FRMPD2: variants seen among roughly 807,000 people sequenced by gnomAD.
FRMPD2 encodes the protein FERM and PDZ domain-containing protein 2.
A neutral mutation model predicts 140.1 loss-of-function variants in FRMPD2; 96 were observed. The observed-to-expected ratio is 0.69, with a 90% confidence interval of 0.58 to 0.81. The LOEUF is 0.81. Ranked by LOEUF, FRMPD2 falls within the 40% of genes least tolerant of loss-of-function variation. The pLI is 0.00. For synonymous variants in FRMPD2, 449 were observed against 547.6 expected (o/e 0.82, Z 2.52); for missense variants, 1,240 against 1,447.4 (o/e 0.86, Z 2.32).
chr10:48,211,246 C>T (rs1055960157), intron 13 of FRMPD2, among the ~76,000 whole-genome samples: 7 of 152,202 alleles, frequency 4.6e-5, no homozygotes, highest in East Asian at 3.9e-4. Context: ...TGTGCCCACA[C>T]GGGGAGACTG....
intron 7 of FRMPD2, 53 bp from the exon 8 acceptor site, chr10:48,238,176 T>C (rs1840016316): frequency 6.9e-6 from 11 of 1,584,896 alleles, no homozygotes; most frequent in Admixed American, 5.3e-5. Flanking sequence ...AGGGCTTCCA[T>C]GGCATGAAAG....
chr10:48,202,634 C>T (rs4838578), intron 14 of FRMPD2, among the ~76,000 whole-genome samples: 39,526 of 152,094 alleles, frequency 0.26, 5,760 homozygotes, highest in African/African-American at 0.4. Flanking sequence ...CTCCGCCAGT[C>T]GTAATAATTC....
chr10:48,238,170 C>T (rs759013736), intron 7 of FRMPD2, 47 bp from the exon 8 acceptor site: 1 of 1,587,858 alleles, frequency 6.3e-7, no homozygotes, highest in East Asian at 2.2e-5. Context: ...ATGGCAAGGG[C>T]TTCCATGGCA....
At chr10:48,164,074 C>A (rs1289237863) in intron 27 of FRMPD2, among the ~76,000 whole-genome samples, 1 of 150,648 alleles carries the variant, frequency 6.6e-6, no homozygotes, top group Non-Finnish European at 1.5e-5. Context: ...AGGTGATGTT[C>A]TTTCCTGGGT....
At chr10:48,263,432 A>AG (rs749659449) in intron 1 of FRMPD2, among the ~76,000 whole-genome samples, 4 of 152,080 alleles carry the variant, frequency 2.6e-5, no homozygotes, top group African/African-American at 4.8e-5. Flanking sequence ...TAACCAAGAG[A>AG]GAAAAAAAAA....
intron 16 of FRMPD2, 117 bp from the exon 17 acceptor site, chr10:48,187,409 G>A (rs1838715626): frequency 9.3e-6 from 7 of 752,744 alleles, no homozygotes; most frequent in Admixed American, 2.1e-5. Context: ...ATGATGGCCC[G>A]GGGAGGGCAG....
chr10:48,217,428 C>A (rs769753884), intron 12 of FRMPD2, among the ~76,000 whole-genome samples: 1 of 152,178 alleles, frequency 6.6e-6, no homozygotes, highest in East Asian at 1.9e-4. Context: ...GACACAGCAG[C>A]GCCTTCTGAA....
At chr10:48,180,308 C>T (rs569675759) in intron 21 of FRMPD2, among the ~76,000 whole-genome samples, 11 of 152,252 alleles carry the variant, frequency 7.2e-5, no homozygotes, top group South Asian at 6.2e-4. Flanking sequence ...TCCAAAGAGA[C>T]GGCAGAGGAC....
At chr10:48,221,209 AGTG>A (rs1314652250) in intron 12 of FRMPD2, among the ~76,000 whole-genome samples, 1 of 152,216 alleles carries the variant, frequency 6.6e-6, no homozygotes, top group Non-Finnish European at 1.5e-5. Context: ...TCAATCAATG[AGTG>A]GTATATGTAT....
At chr10:48,189,292 G>A (rs1422682600) in intron 16 of FRMPD2, among the ~76,000 whole-genome samples, 3 of 152,180 alleles carry the variant, frequency 2.0e-5, no homozygotes, top group African/African-American at 4.8e-5. Context: ...TGGAGCCAGC[G>A]ATGTGGAGGA....
intron 14 of FRMPD2, 72 bp downstream of exon 14, chr10:48,206,676 C>T (rs1839205757): frequency 4.6e-6 from 6 of 1,292,130 alleles, no homozygotes. Context: ...CCATGACCCA[C>T]TGCTCCTTTA....
chr10:48,214,098 C>T (rs1839391151), intron 12 of FRMPD2, among the ~76,000 whole-genome samples: 1 of 152,122 alleles, frequency 6.6e-6, no homozygotes, highest in African/African-American at 2.4e-5. Flanking sequence ...GTTTTACCTC[C>T]CACTGTCACT....
intron 1 of FRMPD2, among the ~76,000 whole-genome samples, chr10:48,266,864 G>A (rs1345834454): frequency 1.3e-5 from 2 of 152,196 alleles, no homozygotes; most frequent in Admixed American, 1.3e-4. Context: ...CCATGCAGTG[G>A]TAACAAGGCA....
At position 48,240,049 on chromosome 10, in the gene FRMPD2, T is replaced by C. The variant is rs112106779; in HGVS notation, c.700+311A>G. Among the ~76,000 whole-genome samples, 1,439 of 152,134 alleles carry C rather than the reference T, an allele frequency of 9.5e-3. 21 individuals carry two copies. The highest frequency in any genetic ancestry group is 0.033 in the African/African-American group (1,352 of 41,542). ...CTTTTAACACACCCAGAACAATAAC[T>C]GAAAAAAAAATCAAGTTTTTCTTTT... is the stretch of plus-strand genomic sequence containing the variant. On this transcript the variant is annotated intron_variant, in intron 6 of 28. Transcript: ENST00000374201.
intron 15 of FRMPD2, among the ~76,000 whole-genome samples, chr10:48,194,221 A>C (rs1003263370): frequency 6.6e-6 from 1 of 152,226 alleles, no homozygotes; most frequent in African/African-American, 2.4e-5. Flanking sequence ...AGATATTATT[A>C]TACCCAATTT....
At chr10:48,217,948 C>T (rs1275084064) in intron 12 of FRMPD2, among the ~76,000 whole-genome samples, 2 of 152,214 alleles carry the variant, frequency 1.3e-5, no homozygotes, top group African/African-American at 4.8e-5. Context: ...GTTGCCATAA[C>T]AAATACTAAC....
intron 15 of FRMPD2, among the ~76,000 whole-genome samples, chr10:48,195,955 G>A (rs1237395681): frequency 6.6e-6 from 1 of 152,246 alleles, no homozygotes; most frequent in Non-Finnish European, 1.5e-5. Context: ...CTGCACAGCA[G>A]AGGGAGTGGT....
intron 12 of FRMPD2, among the ~76,000 whole-genome samples, chr10:48,214,561 C>A (rs1324079732): frequency 1.3e-5 from 2 of 152,090 alleles, no homozygotes; most frequent in South Asian, 4.2e-4. Context: ...CCTGTATTTT[C>A]AATTCAAATT....
chr10:48,188,065 G>GGAACAATTGATGTAAA (rs1307611421), intron 16 of FRMPD2, among the ~76,000 whole-genome samples: 1 of 152,140 alleles, frequency 6.6e-6, no homozygotes, highest in African/African-American at 2.4e-5. Flanking sequence ...TAAAGCTGTG[G>GGAACAATTGATGTAAA]GTCTCAGAGC....
Sources: gnomAD v4.1 joint callset for allele counts (sites outside exome capture counted in the v4.1 genomes callset) on GRCh38, gnomAD v4.1.1 for gene constraint, MANE v1.5 for transcripts, NCBI Gene and HGNC (gene_info 2026-07-23, HGNC 2026-07-21) for gene names.